SH3GL2: variants seen among roughly 807,000 people sequenced by gnomAD.
The protein encoded by SH3GL2 is SH3 domain containing GRB2 like 2, endophilin A1, also known as endophilin-A1.
Under a neutral mutation model 46.0 loss-of-function variants are expected in SH3GL2, and 24 were observed. The observed-to-expected ratio is 0.52, with a 90% confidence interval of 0.38 to 0.73. The LOEUF (loss-of-function observed/expected upper bound fraction) is 0.73, where lower values mean the gene tolerates loss of function less well. Ranked by LOEUF, SH3GL2 falls within the 30% of genes least tolerant of loss-of-function variation. The probability of loss-of-function intolerance (pLI) is 0.00; values close to 1 mark genes in which losing one functional copy is unlikely to be tolerated. For synonymous variants in SH3GL2, 196 were observed against 147.1 expected, an observed-to-expected ratio of 1.33 and a Z score of -2.40; for missense variants, 413 against 424.2, an observed-to-expected ratio of 0.97 and a Z score of 0.23.
chr9:17,626,676 A>T (rs992594805), intron 1 of SH3GL2, among the ~76,000 whole-genome samples: 20 of 152,126 alleles, frequency 1.3e-4, no homozygotes, highest in Admixed American at 7.9e-4. Context: ...GCAAAATGTT[A>T]TATGTTTGTA....
intron 1 of SH3GL2, among the ~76,000 whole-genome samples, chr9:17,605,191 C>T (rs932520203): frequency 1.3e-5 from 2 of 152,000 alleles, no homozygotes; most frequent in African/African-American, 4.8e-5. Flanking sequence ...GTTGCCCAGG[C>T]TTGTCTTGAA....
intron 1 of SH3GL2, among the ~76,000 whole-genome samples, chr9:17,707,293 C>G (rs1210686293): frequency 1.3e-5 from 2 of 152,020 alleles, no homozygotes; most frequent in African/African-American, 2.4e-5. Context: ...TCCACTGGCT[C>G]TCATGTCTTT....
At chr9:17,712,998 G>T (rs1423329656) in intron 1 of SH3GL2, among the ~76,000 whole-genome samples, 1 of 151,460 alleles carries the variant, frequency 6.6e-6, no homozygotes, top group Non-Finnish European at 1.5e-5. Flanking sequence ...CATTAAGGAT[G>T]ATGTTAGCTA....
intron 1 of SH3GL2, among the ~76,000 whole-genome samples, chr9:17,718,240 C>G (rs1185017033): frequency 3.3e-5 from 5 of 152,122 alleles, no homozygotes; most frequent in Admixed American, 2.6e-4. Context: ...AGCACTAGTT[C>G]ATGCCATCCT....
intron 2 of SH3GL2, among the ~76,000 whole-genome samples, chr9:17,758,477 G>A (rs7026725): frequency 6.8e-6 from 1 of 148,086 alleles, no homozygotes; most frequent in African/African-American, 2.5e-5. Flanking sequence ...AGGGAGAATC[G>A]CTTGAACCTG....
intron 1 of SH3GL2, among the ~76,000 whole-genome samples, chr9:17,696,140 G>A (rs1027948083): frequency 6.6e-6 from 1 of 152,098 alleles, no homozygotes; most frequent in Non-Finnish European, 1.5e-5. Flanking sequence ...TGTTCAAAGT[G>A]GGGGCAGCTG....
Position 17,786,404 on chromosome 9 carries a change from A to G in SH3GL2, c.211A>G (p.Ile71Val), listed in dbSNP as rs767344652. 2.5e-6 allele frequency: 4 copies of G among 1,613,240 alleles called. No homozygotes were observed. The South Asian group carries it at 4.4e-5, about 18-fold the overall frequency. The change falls in exon 4 of 9, where the codon ATC becomes GTC. Residue 71 changes from isoleucine to valine, a missense_variant. This residue lies in a region of SH3GL2 where 160 missense variants were observed against 192.3 expected (regional missense o/e 0.83). Transcript: ENST00000380607. Reference sequence around the variant, plus strand: ...AGCTTCCAGAGCTAAGCTCAGCATGATCAACACCATGTCAAAAATCCGTGG... The same window carrying G: ...AGCTTCCAGAGCTAAGCTCAGCATGGTCAACACCATGTCAAAAATCCGTGG... ...NPASRAKLSM[I>V]NTMSKIRGQE...
intron 1 of SH3GL2, among the ~76,000 whole-genome samples, chr9:17,633,530 T>A (rs1819479427): frequency 6.6e-6 from 1 of 152,236 alleles, no homozygotes; most frequent in Non-Finnish European, 1.5e-5. Context: ...ATAGCTGTAA[T>A]AAGTTATGGT....
intron 1 of SH3GL2, among the ~76,000 whole-genome samples, chr9:17,651,123 CATA>C (rs1425179829): frequency 1.3e-5 from 2 of 152,030 alleles, no homozygotes; most frequent in African/African-American, 4.8e-5. Flanking sequence ...ATTCCTAAGA[CATA>C]ATGAATTTTA....
At chr9:17,671,976 A>G (rs117155677) in intron 1 of SH3GL2, among the ~76,000 whole-genome samples, 1,566 of 152,260 alleles carry the variant, frequency 0.01, 17 homozygotes, top group Middle Eastern at 0.024. Context: ...ATACCAGTAA[A>G]TTAATTCTAT....
chr9:17,664,328 GAAATA>G (rs112899845), intron 1 of SH3GL2, among the ~76,000 whole-genome samples: 2,213 of 152,252 alleles, frequency 0.015, 72 homozygotes, highest in African/African-American at 0.05. Flanking sequence ...GTGTTGATGT[GAAATA>G]AAATCAAATC....
chr9:17,670,148 C>T (rs1820437948), intron 1 of SH3GL2, among the ~76,000 whole-genome samples: 1 of 152,122 alleles, frequency 6.6e-6, no homozygotes, highest in Admixed American at 6.5e-5. Flanking sequence ...TTCTTTCTTA[C>T]TGTGCATGTG....
chr9:17,711,583 G>C (rs1005923505), intron 1 of SH3GL2, among the ~76,000 whole-genome samples: 1 of 151,618 alleles, frequency 6.6e-6, no homozygotes, highest in African/African-American at 2.4e-5. Context: ...ATTCCTTTTT[G>C]TCTGACTTCT....
intron 1 of SH3GL2, among the ~76,000 whole-genome samples, chr9:17,619,439 A>G (rs550899139): frequency 9.8e-5 from 15 of 152,324 alleles, no homozygotes; most frequent in Non-Finnish European, 1.5e-4. Flanking sequence ...GCACTTTGGG[A>G]GGCTGAGCCA....
intron 2 of SH3GL2, among the ~76,000 whole-genome samples, chr9:17,752,437 CTG>C (rs1260670519): frequency 6.6e-6 from 1 of 152,144 alleles, no homozygotes; most frequent in African/African-American, 2.4e-5. Flanking sequence ...TATGTTACCA[CTG>C]TGAGTTACCC....
chr9:17,634,538 A>G (rs1007723179), intron 1 of SH3GL2, among the ~76,000 whole-genome samples: 1 of 152,140 alleles, frequency 6.6e-6, no homozygotes, highest in Non-Finnish European at 1.5e-5. Flanking sequence ...ATTGTCAACC[A>G]CTAGAGACTT....
intron 1 of SH3GL2, among the ~76,000 whole-genome samples, chr9:17,613,969 C>G (rs995365705): frequency 6.6e-6 from 1 of 152,054 alleles, no homozygotes; most frequent in South Asian, 2.1e-4. Context: ...CTTGTGTGGT[C>G]ACTTTCTAAA....
intron 1 of SH3GL2, among the ~76,000 whole-genome samples, chr9:17,600,623 A>G (rs1818653044): frequency 6.6e-6 from 1 of 152,208 alleles, no homozygotes; most frequent in Non-Finnish European, 1.5e-5. Flanking sequence ...TGTTGCTCTT[A>G]GTTACTGGAG....
At chr9:17,697,917 G>C (rs1376220640) in intron 1 of SH3GL2, among the ~76,000 whole-genome samples, 1 of 152,158 alleles carries the variant, frequency 6.6e-6, no homozygotes, top group Non-Finnish European at 1.5e-5. Context: ...AATCAGACTG[G>C]CATTGAATCT....
Sources: allele counts gnomAD v4.1 joint callset (sites outside exome capture counted in the v4.1 genomes callset), GRCh38; gene constraint gnomAD v4.1.1; regional missense constraint gnomAD v4.1.1; transcripts MANE v1.5; gene names NCBI Gene and HGNC (gene_info 2026-07-23, HGNC 2026-07-21).